The following VPS13C variants were observed in gnomAD, a reference collection of about 807,000 sequenced individuals.
VPS13C encodes the protein intermembrane lipid transfer protein VPS13C.
VPS13C carries 358 observed loss-of-function variants against 456.8 expected under a neutral mutation model. That is an observed-to-expected ratio of 0.78 (90% CI 0.72 to 0.86). The LOEUF (loss-of-function observed/expected upper bound fraction) is 0.86. Among genes scored for constraint, VPS13C ranks in the 40% least tolerant of loss-of-function variants. The probability of loss-of-function intolerance (pLI) is 0.00; values close to 1 mark genes in which losing one functional copy is unlikely to be tolerated. For synonymous variants in VPS13C, 1,578 were observed against 1,486.7 expected (o/e 1.06, Z -1.41); for missense variants, 4,818 against 4,385.4 (o/e 1.10, Z -2.79).
At chr15:61,974,233 A>T (rs906730114) in intron 25 of VPS13C, 55 bp downstream of exon 25, 1 of 1,482,912 alleles carries the variant, frequency 6.7e-7, no homozygotes, top group Non-Finnish European at 9.0e-7. Context: ...CTGACTTTTC[A>T]TCACTGCTCT....
At position 61,956,654 on chromosome 15, in the gene VPS13C, A is replaced by G. The variant is rs537674729; in HGVS notation, c.4165+1954T>C. Among the ~76,000 whole-genome samples the G allele has an allele frequency of 2.6e-5, 4 of 152,184 alleles. No homozygotes were observed. In the South Asian group the frequency reaches 8.3e-4, roughly 31 times the overall value. Reference sequence around the variant, plus strand: ...AATAGTTGTATGATAGAATGGTTACATCACATAAAAGGATATCCAAATGGC... The same window carrying G: ...AATAGTTGTATGATAGAATGGTTACGTCACATAAAAGGATATCCAAATGGC... On this transcript the variant is annotated intron_variant, in intron 37 of 84. Transcript: ENST00000644861.
intron 64 of VPS13C, among the ~76,000 whole-genome samples, 157 bp from the exon 65 acceptor site, chr15:61,909,282 A>G (rs1326584776): frequency 2.6e-5 from 4 of 152,178 alleles, no homozygotes; most frequent in African/African-American, 9.7e-5. Context: ...ATCTCGGGTT[A>G]CTGCAACCTC....
rs1020715312 is a variant in VPS13C, at chr15:61,992,112, A to G, written c.1354-310T>C. On this transcript the variant is annotated intron_variant, in intron 16 of 84. Coordinates refer to ENST00000644861, the MANE Select transcript of VPS13C (RefSeq NM_020821.3). ...CAAATTCTTCCAAATTTTTAAGTTAAGAAGCCACCAGAACTGCATGTTTAT... is the reference window on the plus strand; with the variant it reads ...CAAATTCTTCCAAATTTTTAAGTTAGGAAGCCACCAGAACTGCATGTTTAT... 3.3e-5 allele frequency among the ~76,000 whole-genome samples: 5 copies of G among 152,238 alleles called. No individual in the cohort carries two copies. In the East Asian group the frequency reaches 5.8e-4, roughly 18 times the overall value.
intron 51 of VPS13C, among the ~76,000 whole-genome samples, chr15:61,928,918 G>A (rs1365050930): frequency 6.6e-6 from 1 of 151,398 alleles, no homozygotes; most frequent in African/African-American, 2.4e-5. Context: ...GAGAAGAGGA[G>A]AGGAGAGAAC....
In VPS13C at chr15:61,983,864, T is replaced by G; in HGVS notation, c.1870A>C (p.Thr624Pro). The change falls in exon 20 of 85, where the codon ACT (threonine) becomes CCT (proline). Residue 624 changes from threonine (T) to proline (P), a missense_variant. This residue lies in a region of VPS13C where 4,552 missense variants were observed against 4,130.6 expected (regional missense o/e 1.10). Coordinates refer to ENST00000644861, the MANE Select transcript of VPS13C (RefSeq NM_020821.3). ...ACAGGCTGGGACTGAACAATCAGAG[T>G]CTGGTCAGCAGGACTATCCTCCGGA... is the stretch of plus-strand genomic sequence containing the variant. Reference protein sequence around the residue: ...TNPEDSPADQTLIVQSQPVEV... With the variant: ...TNPEDSPADQPLIVQSQPVEV... 6.2e-7 allele frequency: 1 copy of G among 1,614,050 alleles called. No homozygotes were observed. Among genetic ancestry groups the G allele is most frequent in the Non-Finnish European group, 8.5e-7 (1 of 1,179,974 alleles).
chr15:62,037,210 AATATATTATATAATATATTATAT>A (rs1415129100), intron 3 of VPS13C, among the ~76,000 whole-genome samples: 133 of 104,014 alleles, frequency 1.3e-3, no homozygotes, highest in Middle Eastern at 4.3e-3. Context: ...ATAATATATA[AATATATTATATAATATATTATAT>A]ATAAATATAT....
chr15:61,864,163 G>A (rs1894381048), intron 81 of VPS13C: 1 of 253,312 alleles, frequency 3.9e-6, no homozygotes, highest in African/African-American at 2.3e-5. Flanking sequence ...CATGCGTGGG[G>A]AAGTATATTT....
At chr15:61,901,170 T>C (rs891011158) in intron 66 of VPS13C, among the ~76,000 whole-genome samples, 1 of 151,234 alleles carries the variant, frequency 6.6e-6, no homozygotes, top group African/African-American at 2.4e-5. Flanking sequence ...GAAGAAAACC[T>C]AGACATTACC....
At chr15:61,870,930 A>G (rs918299405) in intron 79 of VPS13C, among the ~76,000 whole-genome samples, 3 of 152,088 alleles carry the variant, frequency 2.0e-5, no homozygotes, top group Non-Finnish European at 4.4e-5. Flanking sequence ...ATGTCTATTC[A>G]TATCTTTTGC....
Position 61,882,841 on chromosome 15 carries a change from T to G in VPS13C, c.9484-105A>C, listed in dbSNP as rs891283728. On this transcript the variant is annotated intron_variant, in intron 68 of 84. Transcript: ENST00000644861. The stretch of plus-strand genomic sequence containing the variant: ...CAAATTGAAAAAATCTTTATCTTTA[T>G]GTCTCACCAACAGATCTATCTTAAG... 1.0e-5 allele frequency: 13 copies of G among 1,239,168 alleles called. No individual in the cohort carries two copies. In the Admixed American group the frequency reaches 2.0e-4, roughly 19 times the overall value. The allele number at this position is 1,239,168 out of a possible 1,614,324, so 76.8% of individuals were successfully genotyped here. A position where few individuals can be genotyped will look rare whatever the true frequency, so the allele number is the denominator to read the frequency against.
intron 66 of VPS13C, among the ~76,000 whole-genome samples, chr15:61,897,119 G>T (rs1475487344): frequency 6.6e-6 from 1 of 152,062 alleles, no homozygotes; most frequent in Non-Finnish European, 1.5e-5. Context: ...CATCATCAAA[G>T]ACCAAAAGTA....
intron 66 of VPS13C, among the ~76,000 whole-genome samples, chr15:61,904,196 C>T (rs34516157): frequency 0.07 from 10,576 of 151,210 alleles, 574 homozygotes; most frequent in East Asian, 0.21. Context: ...GACAACAAAC[C>T]GAAAGAGAGA....
rs780252322 is a variant in VPS13C, at chr15:61,873,272, C to G, written c.10552G>C (p.Ala3518Pro). Residue 3518 changes from alanine (A) to proline (P), a missense_variant, in exon 78 of 85, where the codon GCC (alanine) becomes CCC (proline). By Grantham distance (27) the Ala-to-Pro change is conservative. Coordinates refer to ENST00000644861, the MANE Select transcript of VPS13C (RefSeq NM_020821.3). ...CGCAGAAAGCCCTTTCCTCCTCTGG[C>G]CAGGCTGTCTCCAAAATCTCTGGGC... ...RQPRDFGDSL[A>P]RGGKGFLRGV... The G allele has an allele frequency of 6.2e-7, 1 of 1,613,676 alleles. No homozygotes were observed. The highest frequency in any genetic ancestry group is 1.7e-5 in the Admixed American group (1 of 59,986).
Position 61,875,094 on chromosome 15 carries a change from CA to C in VPS13C, c.10339-144del, listed in dbSNP as rs552694013. 420 of 642,442 alleles carry C rather than the reference CA, an allele frequency of 6.5e-4. No homozygotes were observed. The African/African-American group carries it at 6.9e-3, about 11-fold the overall frequency. 39.8% of individuals were successfully genotyped at this position (642,442 alleles called of 1,614,324 possible). Reference sequence around the variant, plus strand: ...GATGAATCAATTTTCACTTCTACCCCAAATATGGATAGAATATCTATTGTGT... The same window carrying C: ...GATGAATCAATTTTCACTTCTACCCCAATATGGATAGAATATCTATTGTGT... On this transcript the variant is annotated intron_variant, in intron 76 of 84. Coordinates refer to ENST00000644861, the MANE Select transcript of VPS13C (RefSeq NM_020821.3).
At chr15:61,956,881 C>G (rs957842470) in intron 37 of VPS13C, among the ~76,000 whole-genome samples, 2 of 152,086 alleles carry the variant, frequency 1.3e-5, no homozygotes, top group African/African-American at 4.8e-5. Flanking sequence ...TGGAAAACTG[C>G]TTGGTATAAT....
At chr15:61,925,363 G>T in intron 53 of VPS13C, 93 bp downstream of exon 53, 1 of 610,860 alleles carries the variant, frequency 1.6e-6, no homozygotes, top group Non-Finnish European at 2.6e-6. Context: ...CTTGAGTTAT[G>T]AGAGACATCA....
chr15:62,001,478 C>T (rs920695566), intron 15 of VPS13C, among the ~76,000 whole-genome samples: 2 of 151,856 alleles, frequency 1.3e-5, no homozygotes, highest in African/African-American at 4.8e-5. Context: ...TGTGTTTCTA[C>T]CTTTTATTTT....
intron 68 of VPS13C, among the ~76,000 whole-genome samples, chr15:61,883,120 T>C (rs1336535465): frequency 4.0e-5 from 6 of 151,874 alleles, no homozygotes; most frequent in Admixed American, 3.3e-4. Flanking sequence ...CCTCCTGGCC[T>C]CAAGTGATAC....
rs1351795982 is a variant in VPS13C, at chr15:61,973,480, G to C, written c.2591C>G (p.Ser864Ter). Residue 864 changes from serine (S) to a stop codon, truncating the protein, a stop_gained, in exon 26 of 85, where the codon TCA becomes TGA. Transcript: ENST00000644861. LOFTEE classifies it high-confidence loss of function. ...TGATTCCACAGTGTCTAGCAATAGTGAAGTACCAAGTAGACCTTTTGTACC... is the reference window on the plus strand; with the variant it reads ...TGATTCCACAGTGTCTAGCAATAGTCAAGTACCAAGTAGACCTTTTGTACC... ...SGGTKGLLGT[S>*]LLLDTVESES... 6.2e-7 allele frequency: 1 copy of C among 1,612,402 alleles called. No individual in the cohort carries two copies. The highest frequency in any genetic ancestry group is 8.5e-7 in the Non-Finnish European group (1 of 1,178,774).
Sources: allele counts gnomAD v4.1 joint callset (sites outside exome capture counted in the v4.1 genomes callset), GRCh38; gene constraint gnomAD v4.1.1; regional missense constraint gnomAD v4.1.1; transcripts MANE v1.5; gene names NCBI Gene and HGNC (gene_info 2026-07-23, HGNC 2026-07-21).